Variants in CC2D2A observed in about 807,000 individuals in gnomAD.
CC2D2A encodes coiled-coil and C2 domain-containing protein 2A.
CC2D2A carries 155 observed loss-of-function variants against 212.9 expected under a neutral mutation model. That is an observed-to-expected ratio of 0.73 (90% CI 0.64 to 0.83). CC2D2A has a LOEUF of 0.83. CC2D2A is among the 40% of genes least tolerant of loss of function. The pLI is 0.00. For missense variants in CC2D2A, 1,856 were observed against 1,956.2 expected (o/e 0.95, Z 0.97); for synonymous variants, 667 against 686.5 (o/e 0.97, Z 0.44).
chr4:15,518,994 T>C (rs1463983300), intron 11 of CC2D2A, among the ~76,000 whole-genome samples: 2 of 152,356 alleles, frequency 1.3e-5, no homozygotes, highest in South Asian at 2.1e-4. Context: ...TTCGGCTCCA[T>C]GTTACTTATG....
intron 15 of CC2D2A, among the ~76,000 whole-genome samples, chr4:15,537,614 C>T (rs974336836): frequency 2.0e-5 from 3 of 152,138 alleles, no homozygotes; most frequent in African/African-American, 4.8e-5. Context: ...TGAATACCTA[C>T]CATTTTTTAA....
rs13121363 is a variant in CC2D2A at position 15,567,369 on chromosome 4, T to C, written c.3183-8T>C. Reference sequence around the variant, plus strand: ...TCATTAATTTCCTTCATACATTTTCTCTCCTAGCAAATTCCAGCAGCCGTC... The same window carrying C: ...TCATTAATTTCCTTCATACATTTTCCCTCCTAGCAAATTCCAGCAGCCGTC... On this transcript the variant is annotated splice_region_variant and splice_polypyrimidine_tract_variant and intron_variant, in intron 24 of 36. Transcript: ENST00000424120. The C allele has an allele frequency of 0.71, 1,135,689 of 1,600,468 alleles. 404,297 individuals carry two copies. The highest frequency in any genetic ancestry group is 0.78 in the Admixed American group (46,098 of 59,076).
chr4:15,486,824 C>T (rs1213052779), intron 4 of CC2D2A, among the ~76,000 whole-genome samples: 2 of 151,634 alleles, frequency 1.3e-5, no homozygotes, highest in South Asian at 2.1e-4. Flanking sequence ...TTTGCTATAC[C>T]CTATAGGTTT....
intron 36 of CC2D2A, among the ~76,000 whole-genome samples, chr4:15,600,842 T>C (rs1577407498): frequency 6.9e-6 from 1 of 143,926 alleles, no homozygotes; most frequent in South Asian, 2.1e-4. Context: ...AGGCCGAGGC[T>C]GCAGTGGTGA....
intron 16 of CC2D2A, 144 bp downstream of exon 16, chr4:15,538,281 T>C: frequency 1.1e-6 from 1 of 935,406 alleles, no homozygotes; most frequent in Non-Finnish European, 1.5e-6. Context: ...TCTAAATGAA[T>C]ATTAGGTTGA....
chr4:15,567,848 G>T (rs1719964483), intron 26 of CC2D2A, 62 bp downstream of exon 26: 6 of 1,238,592 alleles, frequency 4.8e-6, no homozygotes, highest in Non-Finnish European at 6.7e-6. Flanking sequence ...AAGAAAGCAG[G>T]CTCATGAGAA....
chr4:15,502,692 A>C, intron 5 of CC2D2A, 130 bp from the exon 6 acceptor site: 1 of 1,027,030 alleles, frequency 9.7e-7, no homozygotes, highest in South Asian at 1.6e-5. Flanking sequence ...TATGCTTCAG[A>C]ATTTAATGTC....
intron 6 of CC2D2A, among the ~76,000 whole-genome samples, chr4:15,504,588 C>T (rs1002228434): frequency 6.6e-6 from 1 of 152,148 alleles, no homozygotes; most frequent in African/African-American, 2.4e-5. Flanking sequence ...TCATGTAGCT[C>T]TCACTGTCCA....
At chr4:15,590,623 C>T (rs1321054004) in intron 33 of CC2D2A, among the ~76,000 whole-genome samples, 2 of 152,090 alleles carry the variant, frequency 1.3e-5, no homozygotes, top group Non-Finnish European at 2.9e-5. Flanking sequence ...TCAGCTTCTT[C>T]GCTGGTAAAA....
At chr4:15,476,064 C>A in intron 2 of CC2D2A, 93 bp downstream of exon 2, 1 of 1,006,496 alleles carries the variant, frequency 9.9e-7, no homozygotes, top group Non-Finnish European at 1.5e-6. Context: ...GGCCAACCAG[C>A]ATCTATTGCA....
At chr4:15,539,420 C>T (rs189403498) in intron 16 of CC2D2A, among the ~76,000 whole-genome samples, 13 of 152,248 alleles carry the variant, frequency 8.5e-5, no homozygotes, top group East Asian at 7.7e-4. Flanking sequence ...AATATCCCAA[C>T]GTGAAAAATG....
chr4:15,552,990 C>T (rs1470677385), intron 18 of CC2D2A, among the ~76,000 whole-genome samples, 168 bp from the exon 19 acceptor site: 1 of 152,236 alleles, frequency 6.6e-6, no homozygotes, highest in East Asian at 1.9e-4. Context: ...GAGCAGCTGT[C>T]AGCATCATCA....
At chr4:15,510,310 T>A (rs1267585622) in intron 7 of CC2D2A, 70 bp downstream of exon 7, 16 of 1,363,556 alleles carry the variant, frequency 1.2e-5, no homozygotes, top group African/African-American at 1.4e-5. Context: ...GACACATGAC[T>A]ACAGGCCGGG....
chr4:15,567,755 A>G lies in CC2D2A; in HGVS notation c.3367A>G (p.Ser1123Gly), dbSNP rs1202236290. ...GACTACGGCTGAAGGACCAAACCCTAGCTGGAATGAAGAACTAGAACTTCC... is the reference window on the plus strand; with the variant it reads ...GACTACGGCTGAAGGACCAAACCCTGGCTGGAATGAAGAACTAGAACTTCC... ...HTTTAEGPNP[S>G]WNEELELPFR... Residue 1123 changes from serine to glycine, a missense_variant, in exon 26 of 37, where the codon AGC (serine) becomes GGC (glycine). Physicochemically the swap from Ser to Gly is moderately conservative, Grantham distance 56. This residue lies in a region of CC2D2A where 1,512 missense variants were observed against 1,579.3 expected (regional missense o/e 0.96). Transcript: ENST00000424120. 6.3e-7 allele frequency: 1 copy of G among 1,599,234 alleles called. No individual in the cohort carries two copies. The highest frequency in any genetic ancestry group is 8.5e-7 in the Non-Finnish European group (1 of 1,176,058).
chr4:15,490,933 C>T (rs542871966), intron 4 of CC2D2A, among the ~76,000 whole-genome samples: 1 of 152,144 alleles, frequency 6.6e-6, no homozygotes, highest in East Asian at 1.9e-4. Context: ...CTTGCTCAAT[C>T]GATCACGACC....
At chr4:15,504,592 C>T (rs1270969423) in intron 6 of CC2D2A, among the ~76,000 whole-genome samples, 2 of 152,162 alleles carry the variant, frequency 1.3e-5, no homozygotes, top group Non-Finnish European at 2.9e-5. Flanking sequence ...GTAGCTCTCA[C>T]TGTCCATGGG....
intron 17 of CC2D2A, among the ~76,000 whole-genome samples, chr4:15,545,143 A>G (rs1718646854): frequency 6.6e-6 from 1 of 152,202 alleles, no homozygotes; most frequent in Admixed American, 6.5e-5. Flanking sequence ...GTACTCTGCT[A>G]TTTGGAAATT....
At chr4:15,481,386 CTGTAA>C (rs1714648682) in intron 4 of CC2D2A, 3 of 350,284 alleles carry the variant, frequency 8.6e-6, no homozygotes, top group Non-Finnish European at 1.7e-5. Flanking sequence ...TGGCGCATGC[CTGTAA>C]TCCCAGCTAC....
intron 29 of CC2D2A, chr4:15,576,568 G>A (rs1189126354): frequency 6.3e-6 from 1 of 158,314 alleles, no homozygotes; most frequent in Admixed American, 6.5e-5. Context: ...CCTGCCTCTT[G>A]TTTCTTTTTC....
Sources: gnomAD v4.1 joint callset for allele counts (sites outside exome capture counted in the v4.1 genomes callset) on GRCh38, gnomAD v4.1.1 for gene constraint, gnomAD v4.1.1 regional missense constraint, MANE v1.5 for transcripts, NCBI Gene and HGNC (gene_info 2026-07-23, HGNC 2026-07-21) for gene names.